The following CSTPP1 variants were observed in gnomAD, a reference collection of about 807,000 sequenced individuals.
CSTPP1 encodes the protein centriolar satellite-associated tubulin polyglutamylase complex regulator 1.
chr11:47,157,202 G>A, the CSTPP1 span: 9 of 1,592,590 alleles, frequency 5.7e-6, no homozygotes, highest in Non-Finnish European at 7.7e-6. Context: ...AAACCTGTGT[G>A]ATCGGCACAA....
chr11:47,015,520 A>G, the CSTPP1 span, among the ~76,000 whole-genome samples: 44 of 151,994 alleles, frequency 2.9e-4, no homozygotes, highest in Middle Eastern at 6.8e-3. Context: ...GTATATATGT[A>G]TATATATCAG....
the CSTPP1 span, among the ~76,000 whole-genome samples, chr11:47,095,598 A>G: frequency 1.3e-5 from 2 of 152,114 alleles, no homozygotes; most frequent in East Asian, 3.8e-4. Flanking sequence ...TTTATTTTCT[A>G]TTTTTGATGT....
the CSTPP1 span, among the ~76,000 whole-genome samples, chr11:46,963,800 AG>A: frequency 6.6e-6 from 1 of 151,160 alleles, no homozygotes; most frequent in Non-Finnish European, 1.5e-5. Flanking sequence ...AAAAAAAAAA[AG>A]ATATTAGAAA....
the CSTPP1 span, chr11:47,052,455 C>T: frequency 1.9e-6 from 3 of 1,614,124 alleles, no homozygotes; most frequent in South Asian, 1.1e-5. Context: ...AGCCACCCCC[C>T]ACAATAGGGT....
At chr11:46,946,778 C>T in the CSTPP1 span, among the ~76,000 whole-genome samples, 1 of 152,152 alleles carries the variant, frequency 6.6e-6, no homozygotes, top group African/African-American at 2.4e-5. Flanking sequence ...TCTTGTGTAC[C>T]TACTTGTATA....
the CSTPP1 span, chr11:47,052,988 A>G: frequency 1.3e-5 from 2 of 154,488 alleles, no homozygotes; most frequent in East Asian, 3.8e-4. Flanking sequence ...GCCATGCAGT[A>G]AATACAAGGA....
chr11:47,076,023 A>C, the CSTPP1 span, among the ~76,000 whole-genome samples: 1 of 151,818 alleles, frequency 6.6e-6, no homozygotes, highest in Non-Finnish European at 1.5e-5. Flanking sequence ...TATATTGAAA[A>C]TCATTATGAG....
At chr11:47,137,186 A>C in the CSTPP1 span, 1 of 974,742 alleles carries the variant, frequency 1.0e-6, no homozygotes, top group Non-Finnish European at 1.4e-6. Context: ...CTCCCTACAC[A>C]GCAAGACTGT....
the CSTPP1 span, among the ~76,000 whole-genome samples, chr11:47,145,050 T>G: frequency 7.2e-6 from 1 of 138,582 alleles, no homozygotes; most frequent in Non-Finnish European, 1.5e-5. Flanking sequence ...TGCAGTGGCA[T>G]GATCTGAGCT....
chr11:46,991,834 G>A, the CSTPP1 span, among the ~76,000 whole-genome samples: 2,566 of 152,148 alleles, frequency 0.017, 62 homozygotes, highest in African/African-American at 0.054. Context: ...TCCGTCTCCC[G>A]GGTTCAAGAG....
chr11:47,016,440 G>A, the CSTPP1 span, among the ~76,000 whole-genome samples: 3 of 145,238 alleles, frequency 2.1e-5, no homozygotes, highest in African/African-American at 7.6e-5. Context: ...GAACTAATAA[G>A]TGAATTTATC....
chr11:47,096,201 A>G, the CSTPP1 span, among the ~76,000 whole-genome samples: 3 of 152,236 alleles, frequency 2.0e-5, no homozygotes, highest in African/African-American at 7.2e-5. Flanking sequence ...TTATTGTAGT[A>G]AAATATATGT....
chr11:47,161,407 C>A, the CSTPP1 span: 1 of 1,605,002 alleles, frequency 6.2e-7, no homozygotes, highest in Non-Finnish European at 8.5e-7. Flanking sequence ...GGCATGGAGG[C>A]CCTGCTCTCT....
chr11:47,137,320 T>A, the CSTPP1 span: 2 of 1,367,630 alleles, frequency 1.5e-6, no homozygotes, highest in South Asian at 1.2e-5. Flanking sequence ...TTCCAGATTT[T>A]TATATACAAG....
the CSTPP1 span, among the ~76,000 whole-genome samples, chr11:47,038,128 T>C: frequency 0.013 from 80 of 6,390 alleles, 1 homozygote; most frequent in South Asian, 0.027. Context: ...CCCTCCCGGA[T>C]GGGGCGGCTG....
chr11:47,091,373 C>CA, the CSTPP1 span, among the ~76,000 whole-genome samples: 5,020 of 134,974 alleles, frequency 0.037, 290 homozygotes, highest in African/African-American at 0.12. Context: ...GACTCCATCT[C>CA]AAAAAAAAAA....
the CSTPP1 span, among the ~76,000 whole-genome samples, chr11:47,121,223 T>C: frequency 1.3e-5 from 2 of 152,246 alleles, no homozygotes; most frequent in African/African-American, 4.8e-5. Context: ...ATAGTTCTTT[T>C]TCCTCTCCTT....
At chr11:46,940,575 AT>A in the CSTPP1 span, among the ~76,000 whole-genome samples, 2 of 152,186 alleles carry the variant, frequency 1.3e-5, no homozygotes, top group South Asian at 4.1e-4. Flanking sequence ...TTTAATATGC[AT>A]TTTTAAATGA....
the CSTPP1 span, among the ~76,000 whole-genome samples, chr11:46,981,829 A>C: frequency 6.6e-6 from 1 of 152,010 alleles, no homozygotes; most frequent in African/African-American, 2.4e-5. Context: ...TCATTTCCCC[A>C]TTCCCTTTGG....
Sources: allele counts gnomAD v4.1 joint callset (sites outside exome capture counted in the v4.1 genomes callset), GRCh38; gene constraint gnomAD v4.1.1; transcripts MANE v1.5; gene names NCBI Gene and HGNC (gene_info 2026-07-23, HGNC 2026-07-21).